Variants in DIAPH1 observed in about 807,000 individuals in gnomAD.
DIAPH1 encodes the protein diaphanous related formin 1.
DIAPH1 carries 46 observed loss-of-function variants against 140.7 expected under a neutral mutation model. That is an observed-to-expected ratio of 0.33 (90% CI 0.26 to 0.42). DIAPH1 has a LOEUF of 0.42. Among genes scored for constraint, DIAPH1 ranks in the 10% least tolerant of loss-of-function variants. The pLI is 1.00. For synonymous variants in DIAPH1, 565 were observed against 551.6 expected (o/e 1.02, Z -0.34); for missense variants, 1,310 against 1,558.7 (o/e 0.84, Z 2.69).
At chr5:141,553,117 C>T (rs561192710) in intron 18 of DIAPH1, among the ~76,000 whole-genome samples, 13 of 151,966 alleles carry the variant, frequency 8.6e-5, no homozygotes, top group Non-Finnish European at 1.3e-4. Flanking sequence ...GGTGAAAAAA[C>T]CCTGTCTCTA....
chr5:141,577,810 G>C (rs2099896185), intron 11 of DIAPH1, among the ~76,000 whole-genome samples: 1 of 152,176 alleles, frequency 6.6e-6, no homozygotes, highest in South Asian at 2.1e-4. Context: ...AGGATTCCTA[G>C]TAAGTACTTG....
At chr5:141,539,430 G>GT (rs374210300) in intron 18 of DIAPH1, among the ~76,000 whole-genome samples, 44,360 of 131,394 alleles carry the variant, frequency 0.34, 7,923 homozygotes, top group African/African-American at 0.53. Context: ...TTTTTTTTTT[G>GT]TTTTTTTTTT....
In DIAPH1 at chr5:141,529,974, C is replaced by T. The variant is rs2099887963; in HGVS notation, c.2582-277G>A. 1.3e-5 allele frequency among the ~76,000 whole-genome samples: 2 copies of T among 152,138 alleles called. 1 individual carries two copies. Among genetic ancestry groups the T allele is most frequent in the Admixed American group, 1.3e-4 (2 of 15,280 alleles). ...TGGTGTGCACCTGTAGTCCCAGCTG[C>T]TCGGCAGGCTGAGGTGGGAGGATCA... On this transcript the variant is annotated intron_variant, in intron 19 of 27. Transcript: ENST00000389054.
At chr5:141,597,816 C>T (rs1052788900) in intron 1 of DIAPH1, among the ~76,000 whole-genome samples, 1 of 152,206 alleles carries the variant, frequency 6.6e-6, no homozygotes, top group Non-Finnish European at 1.5e-5. Context: ...TCCTTCTCTG[C>T]TCTACTACCT....
At chr5:141,538,518 C>A (rs1054653176) in intron 18 of DIAPH1, among the ~76,000 whole-genome samples, 2 of 152,084 alleles carry the variant, frequency 1.3e-5, no homozygotes, top group African/African-American at 4.8e-5. Flanking sequence ...ATGCAACCTC[C>A]GCCTCCTGGG....
At chr5:141,558,334 T>TA (rs1222652299) in intron 18 of DIAPH1, 1 of 152,106 alleles carries the variant, frequency 6.6e-6, no homozygotes, top group Non-Finnish European at 1.5e-5. Flanking sequence ...CCAGCTTCAA[T>TA]AATGGACTAA....
intron 1 of DIAPH1, among the ~76,000 whole-genome samples, chr5:141,615,887 C>A (rs1596417615): frequency 6.6e-6 from 1 of 152,218 alleles, no homozygotes; most frequent in Non-Finnish European, 1.5e-5. Flanking sequence ...CTCCTAACAT[C>A]CCGGTTCTAC....
chr5:141,560,526 A>G (rs932363983), intron 18 of DIAPH1: 1 of 163,508 alleles, frequency 6.1e-6, no homozygotes, highest in Non-Finnish European at 1.3e-5. Flanking sequence ...TATGGAAATA[A>G]TGTTTTGATA....
In DIAPH1 at chr5:141,516,769, C is replaced by A; in HGVS notation, c.*82G>T. On this transcript the variant is annotated 3_prime_UTR_variant, in exon 28 of 28. Coordinates refer to ENST00000389054, the MANE Select transcript of DIAPH1 (RefSeq NM_005219.5). ...GGGAGTGGCCACCCCAGAGGAATATCCCCTTGAGCCTTTAGGCACATGCTG... is the reference window on the plus strand; with the variant it reads ...GGGAGTGGCCACCCCAGAGGAATATACCCTTGAGCCTTTAGGCACATGCTG... 8 of 1,544,804 alleles carry A rather than the reference C, an allele frequency of 5.2e-6. No individual in the cohort carries two copies. Among genetic ancestry groups the A allele is most frequent in the Non-Finnish European group, 7.1e-6 (8 of 1,124,052 alleles).
intron 1 of DIAPH1, among the ~76,000 whole-genome samples, chr5:141,610,758 C>T (rs1168975581): frequency 1.3e-5 from 2 of 151,722 alleles, no homozygotes; most frequent in African/African-American, 4.8e-5. Context: ...CCTAGCGAGA[C>T]GTCATTTCTA....
intron 18 of DIAPH1, among the ~76,000 whole-genome samples, chr5:141,551,521 A>G (rs2154595643): frequency 6.6e-6 from 1 of 152,338 alleles, no homozygotes; most frequent in South Asian, 2.1e-4. Flanking sequence ...ACATACATAA[A>G]TAACACACAC....
At chr5:141,544,222 A>G (rs1255388746) in intron 18 of DIAPH1, among the ~76,000 whole-genome samples, 1 of 152,140 alleles carries the variant, frequency 6.6e-6, no homozygotes, top group Non-Finnish European at 1.5e-5. Flanking sequence ...AGGCAGGAGA[A>G]TGGTGTGAAA....
At chr5:141,602,047 G>A (rs1479168144) in intron 1 of DIAPH1, among the ~76,000 whole-genome samples, 1 of 152,116 alleles carries the variant, frequency 6.6e-6, no homozygotes. Context: ...GAACAGGTAA[G>A]GTAAGGCATA....
At chr5:141,547,857 G>A (rs1326966653) in intron 18 of DIAPH1, among the ~76,000 whole-genome samples, 3 of 152,076 alleles carry the variant, frequency 2.0e-5, no homozygotes, top group East Asian at 1.9e-4. Flanking sequence ...AAACCACACC[G>A]TGGCATATCA....
At chr5:141,527,961 C>T (rs1473964653) in intron 23 of DIAPH1, among the ~76,000 whole-genome samples, 1 of 152,160 alleles carries the variant, frequency 6.6e-6, no homozygotes, top group African/African-American at 2.4e-5. Flanking sequence ...AGAAGAGAGA[C>T]TTCATTTAAT....
rs763491790 is a variant in DIAPH1 at position 141,516,842 on chromosome 5, G to C, written c.*9C>G. Reference sequence around the variant, plus strand: ...CCGCTGAGGAGCTGCCGCGGTCACAGGACCCACATTAGCTTGCACGGCCAA... The same window carrying C: ...CCGCTGAGGAGCTGCCGCGGTCACACGACCCACATTAGCTTGCACGGCCAA... On this transcript the variant is annotated 3_prime_UTR_variant, in exon 28 of 28. Transcript: ENST00000389054. The C allele has an allele frequency of 6.2e-7, 1 of 1,613,986 alleles. No individual in the cohort carries two copies. Among genetic ancestry groups the C allele is most frequent in the Non-Finnish European group, 8.5e-7 (1 of 1,180,028 alleles).
chr5:141,577,195 A>C (rs2099896088), intron 12 of DIAPH1, among the ~76,000 whole-genome samples: 1 of 152,230 alleles, frequency 6.6e-6, no homozygotes, highest in Non-Finnish European at 1.5e-5. Context: ...AAAGAATTTT[A>C]AATTGCCACT....
rs536878624 is a variant in DIAPH1 at position 141,571,292 on chromosome 5, C to CA, written c.2482+135dup. On this transcript the variant is annotated intron_variant, in intron 18 of 27. Transcript: ENST00000389054. ...TGAACTCCAGGGGAGGAAACAAAAA[C>CA]AAAAAACACCTAGCAAAGACAAGTC... 45 of 750,456 alleles carry CA rather than the reference C, an allele frequency of 6.0e-5. 1 individual carries two copies. In the African/African-American group the frequency reaches 6.6e-4, roughly 11 times the overall value. 46.5% of individuals were successfully genotyped at this position (750,456 alleles called of 1,614,324 possible). A position where few individuals can be genotyped will look rare whatever the true frequency, so the allele number is the denominator to read the frequency against.
chr5:141,530,542 C>A (rs1379686991), intron 19 of DIAPH1, among the ~76,000 whole-genome samples: 1 of 152,174 alleles, frequency 6.6e-6, no homozygotes, highest in Middle Eastern at 3.2e-3. Flanking sequence ...GGCCTCCGCG[C>A]TGTTAGCAAT....
Sources: gnomAD v4.1 joint callset for allele counts (sites outside exome capture counted in the v4.1 genomes callset) on GRCh38, gnomAD v4.1.1 for gene constraint, MANE v1.5 for transcripts, NCBI Gene and HGNC (gene_info 2026-07-23, HGNC 2026-07-21) for gene names.